TNKS1BP1: variants seen among roughly 807,000 people sequenced by gnomAD.
TNKS1BP1 encodes CCR4-NOT transcription complex subunit 12, also known as 182 kDa tankyrase-1-binding protein.
Under a neutral mutation model 141.1 loss-of-function variants are expected in TNKS1BP1, and 48 were observed. That is an observed-to-expected ratio of 0.34 (90% CI 0.27 to 0.43). The LOEUF is 0.43. TNKS1BP1 is among the 20% of genes least tolerant of loss of function. TNKS1BP1 has a pLI of 1.00. For missense variants in TNKS1BP1, 2,149 were observed against 2,226.0 expected, an observed-to-expected ratio of 0.97 and a Z score of 0.70; for synonymous variants, 875 against 898.2, an observed-to-expected ratio of 0.97 and a Z score of 0.46.
intron 5 of TNKS1BP1, 53 bp downstream of exon 5, chr11:57,312,481 C>G: frequency 7.1e-7 from 1 of 1,404,774 alleles, no homozygotes; most frequent in Non-Finnish European, 9.3e-7. Context: ...GAAGCCCACC[C>G]AAGCCCTGGC....
intron 11 of TNKS1BP1, 58 bp downstream of exon 11, chr11:57,300,470 G>A (rs765024565): frequency 3.1e-5 from 48 of 1,559,348 alleles, no homozygotes; most frequent in Non-Finnish European, 3.8e-5. Context: ...TGAGGCCTCC[G>A]AAGCCTCCAG....
At chr11:57,315,487 G>A (rs1590591727) in intron 4 of TNKS1BP1, among the ~76,000 whole-genome samples, 1 of 152,060 alleles carries the variant, frequency 6.6e-6, no homozygotes, top group South Asian at 2.1e-4. Flanking sequence ...CAGCACCTGA[G>A]TAGCTGCATG....
rs1855740783 is a variant in TNKS1BP1, at chr11:57,313,152, A to G, written c.1536T>C (p.Ala512=). Residue 512 remains alanine, a synonymous_variant, in exon 5 of 12, where the codon GCT becomes GCC. Coordinates refer to ENST00000358252, the MANE Select transcript of TNKS1BP1 (RefSeq NM_033396.3). ...CCCTGCTGGAAACGGCCAAGTTGCC[A>G]GCCTCAGCAGCCTCGGCGGCCTCAC... ...EASEAAEAAE[A]GNLAVSSREE... is the part of the protein sequence containing the mutation. 6.2e-7 allele frequency: 1 copy of G among 1,612,994 alleles called. No individual in the cohort carries two copies.
rs116615768 is a variant in TNKS1BP1, at chr11:57,321,267, T to G, written c.94+525A>C. ...CTGTCATCTGGTGTGTGACTGGGAATGCAAACTTACTATTGACCCAAGTCA... is the reference window on the plus strand; with the variant it reads ...CTGTCATCTGGTGTGTGACTGGGAAGGCAAACTTACTATTGACCCAAGTCA... On this transcript the variant is annotated intron_variant, in intron 2 of 11. Transcript: ENST00000358252. 5.3e-3 allele frequency among the ~76,000 whole-genome samples: 806 copies of G among 151,934 alleles called. 11 individuals are homozygous for G. Among genetic ancestry groups the G allele is most frequent in the African/African-American group, 0.019 (790 of 41,390 alleles).
Position 57,312,924 on chromosome 11 carries a change from C to T in TNKS1BP1, c.1764G>A (p.Glu588=). ...CCAAGGGCTCCTGCGACTCGTATCT[C>T]TCCTCTGCCTGCTGCAAAGGTAATC... The part of the protein sequence containing the change: ...TPGLPLQQAE[E]RYESQEPLAG... Residue 588 remains glutamate (E), a synonymous_variant, in exon 5 of 12, where the codon GAG becomes GAA. Transcript: ENST00000358252. 6.2e-7 allele frequency: 1 copy of T among 1,612,882 alleles called. No homozygotes were observed. The highest frequency in any genetic ancestry group is 8.5e-7 in the Non-Finnish European group (1 of 1,179,434).
chr11:57,300,863 C>T (rs371409222), intron 10 of TNKS1BP1, 21 bp downstream of exon 10: 7 of 1,608,248 alleles, frequency 4.4e-6, no homozygotes, highest in Non-Finnish European at 6.0e-6. Flanking sequence ...TCAGCGGATG[C>T]CCAGAGCTTA....
At chr11:57,317,720 T>C in intron 4 of TNKS1BP1, 98 bp downstream of exon 4, 1 of 1,290,358 alleles carries the variant, frequency 7.7e-7, no homozygotes, top group South Asian at 1.3e-5. Flanking sequence ...GGGCCTCAGT[T>C]TCCCCATCTG....
rs752871036 is a variant in TNKS1BP1 at position 57,321,937 on chromosome 11, G to T, written c.-52C>A. 6.2e-7 allele frequency: 1 copy of T among 1,607,162 alleles called. No individual in the cohort carries two copies. The highest frequency in any genetic ancestry group is 8.5e-7 in the Non-Finnish European group (1 of 1,176,764). ...CGGGGAGGCAGAGAGGTATGAGCTGGGGTGGCTGCAGACCTAGGAAAAGAG... is the reference window on the plus strand; with the variant it reads ...CGGGGAGGCAGAGAGGTATGAGCTGTGGTGGCTGCAGACCTAGGAAAAGAG... On this transcript the variant is annotated 5_prime_UTR_variant, in exon 2 of 12. Coordinates refer to ENST00000358252, the MANE Select transcript of TNKS1BP1 (RefSeq NM_033396.3).
intron 4 of TNKS1BP1, among the ~76,000 whole-genome samples, chr11:57,317,487 C>T (rs1443688960): frequency 6.6e-6 from 1 of 152,228 alleles, no homozygotes; most frequent in Non-Finnish European, 1.5e-5. Flanking sequence ...ACCAGGTCTA[C>T]TAGCCAGAGT....
rs1314825020 is a variant in TNKS1BP1 at position 57,322,266 on chromosome 11, GC to G, written c.-65-317del. The G allele has an allele frequency of 6.2e-5, 64 of 1,036,960 alleles. No individual in the cohort carries two copies. The African/African-American group carries it at 1.0e-3, about 16-fold the overall frequency. The allele number at this position is 1,036,960 out of a possible 1,614,324, so 64.2% of individuals were successfully genotyped here. A position where few individuals can be genotyped will look rare whatever the true frequency, so the allele number is the denominator to read the frequency against. On this transcript the variant is annotated intron_variant, in intron 1 of 11. Coordinates refer to ENST00000358252, the MANE Select transcript of TNKS1BP1 (RefSeq NM_033396.3). Reference sequence around the variant, plus strand: ...CCCACAGTGCCCCTTGGGTAGGACGGCCCCGCTGGAGGTGTCTACTCAAAGC... The same window carrying G: ...CCCACAGTGCCCCTTGGGTAGGACGGCCCGCTGGAGGTGTCTACTCAAAGC...
chr11:57,321,981 A>AGAGAGAAGAGAAGGAAAAAT, intron 1 of TNKS1BP1, 31 bp from the exon 2 acceptor site: 1 of 1,526,012 alleles, frequency 6.6e-7, no homozygotes, highest in Non-Finnish European at 8.8e-7. Flanking sequence ...GAAGGAAAAA[A>AGAGAGAAGAGAAGGAAAAAT]AGAGTTGGGC....
At position 57,302,639 on chromosome 11, in the gene TNKS1BP1, C is replaced by A. The variant is rs760424521; in HGVS notation, c.4503G>T (p.Arg1501Ser). ...AAQEEVLEPG[R>S]DSPPSWRPQP... Reference sequence around the variant, plus strand: ...GCGGCCTCCAGGAGGGTGGAGAGTCCCTGCCAGGCTCCAGCACCTCCTCTT... The same window carrying A: ...GCGGCCTCCAGGAGGGTGGAGAGTCACTGCCAGGCTCCAGCACCTCCTCTT... The change falls in exon 7 of 12, where the codon AGG becomes AGT. Residue 1501 changes from arginine (R) to serine (S), a missense_variant. Transcript: ENST00000358252. The surrounding 1 kb of genome is among the most constrained non-coding windows in gnomAD (Gnocchi z 5.5). 1.2e-6 allele frequency: 2 copies of A among 1,611,162 alleles called. No individual in the cohort carries two copies. The highest frequency in any genetic ancestry group is 2.2e-5 in the South Asian group (2 of 90,734).
Position 57,301,931 on chromosome 11 carries a change from G to A in TNKS1BP1, c.4847C>T (p.Ser1616Phe). 1.2e-6 allele frequency: 2 copies of A among 1,613,910 alleles called. No homozygotes were observed. Among genetic ancestry groups the A allele is most frequent in the Non-Finnish European group, 1.7e-6 (2 of 1,179,918 alleles). Residue 1616 changes from serine to phenylalanine, a missense_variant, in exon 9 of 12, where the codon TCT becomes TTT. Ser to Phe is a radical substitution (Grantham distance 155, BLOSUM62 -2). Coordinates refer to ENST00000358252, the MANE Select transcript of TNKS1BP1 (RefSeq NM_033396.3). ...LFQDSTEPRA[S>F]RVPSSDEEVV... ...CTCTTCATCTGAAGATGGCACCCGA[G>A]ATGCCCGTGGCTCTGCAAAGGCCCG...
chr11:57,300,657 A>C lies in TNKS1BP1; in HGVS notation c.5130-57T>G, dbSNP rs558616319. 2.8e-4 allele frequency: 444 copies of C among 1,606,726 alleles called. 2 individuals are homozygous for C. The South Asian group carries it at 4.7e-3, about 17-fold the overall frequency. The stretch of plus-strand genomic sequence containing the variant: ...AAACTTTGAGGAAACTGAACACAAC[A>C]AGGAGACGTGATAGGGACAGAAACC... On this transcript the variant is annotated intron_variant, in intron 10 of 11. Transcript: ENST00000358252.
At chr11:57,307,099 A>C (rs1393919013) in intron 6 of TNKS1BP1, among the ~76,000 whole-genome samples, 2 of 152,114 alleles carry the variant, frequency 1.3e-5, no homozygotes, top group South Asian at 4.2e-4. Context: ...CAATGAGGTA[A>C]GACGTGTGGT....
rs149470322 is a variant in TNKS1BP1, at chr11:57,309,658, C to G, written c.3053G>C (p.Arg1018Pro). ...SLGEGSRDAG[R>P]PGERGSGGLF... Reference sequence around the variant, plus strand: ...GCCCCCGGATCCTCTCTCTCCTGGCCGGCCAGCATCCCTGCTGCCCTCTCC... The same window carrying G: ...GCCCCCGGATCCTCTCTCTCCTGGCGGGCCAGCATCCCTGCTGCCCTCTCC... The change falls in exon 6 of 12, where the codon CGG (arginine) becomes CCG (proline). Residue 1018 changes from arginine to proline, a missense_variant. Physicochemically the swap from Arg to Pro is moderately radical, Grantham distance 103. Coordinates refer to ENST00000358252, the MANE Select transcript of TNKS1BP1 (RefSeq NM_033396.3). This position sits in a 1 kb window ranked among gnomAD's most constrained non-coding sequence, Gnocchi z 4.3. The G allele has an allele frequency of 6.2e-7, 1 of 1,614,226 alleles. No homozygotes were observed. The highest frequency in any genetic ancestry group is 8.5e-7 in the Non-Finnish European group (1 of 1,180,030).
chr11:57,305,099 G>A (rs1237131185), intron 6 of TNKS1BP1, among the ~76,000 whole-genome samples: 1 of 152,052 alleles, frequency 6.6e-6, no homozygotes, highest in Non-Finnish European at 1.5e-5. Context: ...TCATGTATAA[G>A]CTGAGCCCCT....
At position 57,323,356 on chromosome 11, in the gene TNKS1BP1, T is replaced by A. The variant is rs1156476242; in HGVS notation, c.-65-1406A>T. ...AAGCACTCTCCCACCCACAAAAACATGGAGACCCTGGGGGATAGGGCCCTG... is the reference window on the plus strand; with the variant it reads ...AAGCACTCTCCCACCCACAAAAACAAGGAGACCCTGGGGGATAGGGCCCTG... On this transcript the variant is annotated intron_variant, in intron 1 of 11. Transcript: ENST00000358252. 2.0e-5 allele frequency among the ~76,000 whole-genome samples: 3 copies of A among 152,082 alleles called. No homozygotes were observed. The East Asian group carries it at 5.8e-4, about 29-fold the overall frequency.
chr11:57,321,331 A>C (rs1855882141), intron 2 of TNKS1BP1, among the ~76,000 whole-genome samples: 1 of 152,086 alleles, frequency 6.6e-6, no homozygotes, highest in Non-Finnish European at 1.5e-5. Flanking sequence ...AAAAAAAAAC[A>C]GGACCAGAAA....
Sources: gnomAD v4.1 joint callset for allele counts (sites outside exome capture counted in the v4.1 genomes callset) on GRCh38, gnomAD v4.1.1 for gene constraint, Gnocchi (gnomAD v3.1) non-coding constraint, MANE v1.5 for transcripts, NCBI Gene and HGNC (gene_info 2026-07-23, HGNC 2026-07-21) for gene names.